Variants in CHRDL2 observed in about 807,000 individuals in gnomAD.
CHRDL2 encodes chordin like 2.
Under a neutral mutation model 54.3 loss-of-function variants are expected in CHRDL2, and 41 were observed. That is an observed-to-expected ratio of 0.76 (90% CI 0.59 to 0.98). The LOEUF is 0.98. CHRDL2 is among the 50% of genes least tolerant of loss of function. The probability of loss-of-function intolerance (pLI) is 0.00; values close to 1 mark genes in which losing one functional copy is unlikely to be tolerated. For missense variants in CHRDL2, 518 were observed against 562.4 expected, an observed-to-expected ratio of 0.92 and a Z score of 0.80; for synonymous variants, 220 against 224.3, an observed-to-expected ratio of 0.98 and a Z score of 0.17.
At position 74,702,822 on chromosome 11, in the gene CHRDL2, C is replaced by T. The variant is rs1267384756; in HGVS notation, c.1092G>A (p.Val364=). The T allele has an allele frequency of 6.2e-7, 1 of 1,613,920 alleles. No individual in the cohort carries two copies. Among genetic ancestry groups the T allele is most frequent in the Non-Finnish European group, 8.5e-7 (1 of 1,179,982 alleles). Residue 364 remains valine, a synonymous_variant, in exon 9 of 11, where the codon GTG becomes GTA. Coordinates refer to ENST00000376332, the MANE Select transcript of CHRDL2 (RefSeq NM_001278473.3). ...TTACCAGCTTCCAGAGGTAGATCTC[C>T]ACCAAGTCCGAGGCCTCGTGTTCCA... ...FALEHEASDL[V]EIYLWKLVKG...
At chr11:74,725,790 TC>T (rs1284224716) in intron 1 of CHRDL2, among the ~76,000 whole-genome samples, 1 of 152,078 alleles carries the variant, frequency 6.6e-6, no homozygotes, top group Non-Finnish European at 1.5e-5. Flanking sequence ...GGCTGGCCTG[TC>T]CCCAGGCTGC....
intron 1 of CHRDL2, among the ~76,000 whole-genome samples, chr11:74,723,724 G>C (rs2034531768): frequency 6.6e-6 from 1 of 152,210 alleles, no homozygotes; most frequent in African/African-American, 2.4e-5. Flanking sequence ...AGCATCTACA[G>C]CGTGGGCACA....
At chr11:74,718,613 C>T (rs562380805) in intron 2 of CHRDL2, 107 bp downstream of exon 2, 127 of 718,582 alleles carry the variant, frequency 1.8e-4, no homozygotes, top group African/African-American at 1.6e-3. Context: ...TCTCAGCTGC[C>T]GCTGACAGCA....
rs1260575520 is a variant in CHRDL2 at position 74,730,810 on chromosome 11, C to A, written c.79G>T (p.Ala27Ser). The stretch of plus-strand genomic sequence containing the variant: ...CCCAGCCTCCCGGTCTACTTACGGG[C>A]TCGAGCGTGGGAGTCCAGGGGGAAC... ...LWFPLDSHAR[A>S]RPDMFCLFHG... Residue 27 changes from alanine (A) to serine (S), a missense_variant, in exon 1 of 11, where the codon GCC becomes TCC. By Grantham distance (99) the Ala-to-Ser change is moderately conservative (BLOSUM62 1). Transcript: ENST00000376332. 1.2e-6 allele frequency: 2 copies of A among 1,610,600 alleles called. No homozygotes were observed. Among genetic ancestry groups the A allele is most frequent in the Non-Finnish European group, 8.5e-7 (1 of 1,178,814 alleles).
At chr11:74,713,285 A>C (rs2034251369) in intron 3 of CHRDL2, 101 bp downstream of exon 3, 1 of 979,664 alleles carries the variant, frequency 1.0e-6, no homozygotes, top group Non-Finnish European at 1.6e-6. Flanking sequence ...TCTGATGGGT[A>C]GAGACTGCCC....
At chr11:74,720,581 G>A (rs1473566649) in intron 1 of CHRDL2, among the ~76,000 whole-genome samples, 1 of 141,510 alleles carries the variant, frequency 7.1e-6, no homozygotes, top group Non-Finnish European at 1.6e-5. Flanking sequence ...GTCTAAAATG[G>A]AGAAGCTGCC....
intron 2 of CHRDL2, among the ~76,000 whole-genome samples, chr11:74,716,025 C>T (rs1275886136): frequency 6.6e-6 from 1 of 150,598 alleles, no homozygotes. Context: ...AATATTATTT[C>T]ATTAATAGGG....
rs1446499673 is a variant in CHRDL2, at chr11:74,712,655, C to A, written c.289+731G>T. ...CACCAGGAAAGTCCTGATTCCAGAG[C>A]CCCGACCCGAGGCCAAAATCTGGAG... On this transcript the variant is annotated intron_variant, in intron 3 of 10. Coordinates refer to ENST00000376332, the MANE Select transcript of CHRDL2 (RefSeq NM_001278473.3). 2.0e-5 allele frequency among the ~76,000 whole-genome samples: 3 copies of A among 152,156 alleles called. No homozygotes were observed. In the East Asian group the frequency reaches 5.8e-4, roughly 29 times the overall value.
Position 74,731,344 on chromosome 11 carries a change from CCGGCGGGGCGGCGGTCCCAGCAGCGGCGG to C in CHRDL2, c.-485_-457del, listed in dbSNP as rs1490793749. 1.3e-5 allele frequency: 2 copies of C among 148,154 alleles called. No homozygotes were observed. Among genetic ancestry groups the C allele is most frequent in the Non-Finnish European group, 1.5e-5 (1 of 66,288 alleles). The allele number at this position is 148,154 out of a possible 1,614,324, so 9.2% of individuals were successfully genotyped here. A position where few individuals can be genotyped will look rare whatever the true frequency, so the allele number is the denominator to read the frequency against. On this transcript the variant is annotated 5_prime_UTR_variant, in exon 1 of 11. Transcript: ENST00000376332. This position sits in a 1 kb window ranked among gnomAD's most constrained non-coding sequence, Gnocchi z 4.4. ...GGGTCGGGCCGCGGGGGCCTGGGGC[CCGGCGGGGCGGCGGTCCCAGCAGCGGCGG>C]CGGCGCGGCGGCCGCGGAGGGAGGC... is the stretch of plus-strand genomic sequence containing the variant.
intron 2 of CHRDL2, among the ~76,000 whole-genome samples, chr11:74,713,828 T>C (rs1444344072): frequency 6.6e-6 from 1 of 152,164 alleles, no homozygotes; most frequent in African/African-American, 2.4e-5. Flanking sequence ...GCTTGGTCCT[T>C]TTAACTCTGG....
intron 10 of CHRDL2, among the ~76,000 whole-genome samples, chr11:74,696,947 G>C (rs935939297): frequency 6.6e-6 from 1 of 152,154 alleles, no homozygotes; most frequent in Admixed American, 6.5e-5. Context: ...CAGGTTTGGG[G>C]GCTCAGACCT....
intron 9 of CHRDL2, chr11:74,701,080 T>C (rs2033792317): frequency 6.6e-6 from 1 of 152,294 alleles, no homozygotes; most frequent in Non-Finnish European, 1.5e-5. Context: ...AGCCTCTAAG[T>C]GTGACAAAGT....
At position 74,703,296 on chromosome 11, in the gene CHRDL2, C is replaced by G; in HGVS notation, c.946+9G>C. ...CAGCGCCCTCCTTGCTCCCAGTGCC[C>G]CTGTGTACCTGGGCAAATCTTGCAG... On this transcript the variant is annotated intron_variant, in intron 8 of 10. Transcript: ENST00000376332. 2.5e-6 allele frequency: 4 copies of G among 1,590,256 alleles called. No individual in the cohort carries two copies. The highest frequency in any genetic ancestry group is 3.4e-6 in the Non-Finnish European group (4 of 1,165,658).
Position 74,704,477 on chromosome 11 carries a change from A to T in CHRDL2, c.751+9T>A. Reference sequence around the variant, plus strand: ...TGCCTCACAGATTGGAGGAGGGTCCAGTCCCCACCTTTCTTATGTTTCTCC... The same window carrying T: ...TGCCTCACAGATTGGAGGAGGGTCCTGTCCCCACCTTTCTTATGTTTCTCC... On this transcript the variant is annotated intron_variant, in intron 7 of 10. Transcript: ENST00000376332. The T allele has an allele frequency of 1.3e-6, 2 of 1,586,080 alleles. No individual in the cohort carries two copies. Among genetic ancestry groups the T allele is most frequent in the Non-Finnish European group, 1.7e-6 (2 of 1,170,142 alleles).
At chr11:74,704,724 A>G in intron 6 of CHRDL2, 70 bp from the exon 7 acceptor site, 1 of 1,504,746 alleles carries the variant, frequency 6.6e-7, no homozygotes, top group Non-Finnish European at 9.1e-7. Flanking sequence ...CAGAACAGCA[A>G]GACAGGCTGC....
intron 9 of CHRDL2, chr11:74,697,684 C>T (rs1311146507): frequency 1.3e-5 from 6 of 452,702 alleles, no homozygotes; most frequent in African/African-American, 1.2e-4. Context: ...TGATCCTGCT[C>T]CTGTCACCTG....
chr11:74,703,467 C>T lies in CHRDL2; in HGVS notation c.784G>A (p.Gly262Arg), dbSNP rs765250083. 2.5e-5 allele frequency: 41 copies of T among 1,608,332 alleles called. No homozygotes were observed. Among genetic ancestry groups the T allele is most frequent in the East Asian group, 6.7e-5 (3 of 44,752 alleles). The change falls in exon 8 of 11, where the codon GGG (glycine) becomes AGG (arginine). Residue 262 changes from glycine (G) to arginine (R), a missense_variant. Gly to Arg is a moderately radical substitution (Grantham distance 125). Coordinates refer to ENST00000376332, the MANE Select transcript of CHRDL2 (RefSeq NM_001278473.3). ...CVHGGKTYSHGEVWHPAFRAF... is the reference protein window; with the variant it reads ...CVHGGKTYSHREVWHPAFRAF... ...CGGAAGGCCGGGTGCCACACCTCCC[C>T]GTGGGAGTACGTCTTCCCGCCATGC...
intron 1 of CHRDL2, among the ~76,000 whole-genome samples, chr11:74,729,694 A>G (rs114499113): frequency 0.023 from 3,480 of 152,322 alleles, 150 homozygotes; most frequent in African/African-American, 0.079. Flanking sequence ...AGAGCACCAG[A>G]CTAGGAGTTG....
At chr11:74,705,015 G>A (rs1329866527) in intron 6 of CHRDL2, among the ~76,000 whole-genome samples, 1 of 152,186 alleles carries the variant, frequency 6.6e-6, no homozygotes, top group East Asian at 1.9e-4. Context: ...CAGAAGGTGA[G>A]CATGCAGTGA....
Sources: allele counts gnomAD v4.1 joint callset (sites outside exome capture counted in the v4.1 genomes callset), GRCh38; gene constraint gnomAD v4.1.1; non-coding constraint Gnocchi (gnomAD v3.1); transcripts MANE v1.5; gene names NCBI Gene and HGNC (gene_info 2026-07-23, HGNC 2026-07-21).